The following LEKR1 variants were observed in gnomAD, a reference collection of about 807,000 sequenced individuals.
The protein encoded by LEKR1 is leucine, glutamate and lysine rich 1.
LEKR1 carries 59 observed loss-of-function variants against 72.4 expected under a neutral mutation model. The observed-to-expected ratio is 0.82, with a 90% confidence interval of 0.66 to 1.01. The LOEUF is 1.01. LEKR1 is among the 50% of genes least tolerant of loss of function. The probability of loss-of-function intolerance (pLI) is 0.00; values close to 1 mark genes in which losing one functional copy is unlikely to be tolerated. For synonymous variants in LEKR1, 257 were observed against 263.2 expected, an observed-to-expected ratio of 0.98 and a Z score of 0.23; for missense variants, 728 against 759.2, an observed-to-expected ratio of 0.96 and a Z score of 0.48.
chr3:156,909,313 G>A (rs1378936262), intron 3 of LEKR1, among the ~76,000 whole-genome samples: 1 of 152,060 alleles, frequency 6.6e-6, no homozygotes, highest in East Asian at 1.9e-4. Context: ...TAAATAGCTT[G>A]TAATTTCCAT....
At chr3:156,969,321 A>G (rs563519157) in intron 6 of LEKR1, among the ~76,000 whole-genome samples, 18 of 152,292 alleles carry the variant, frequency 1.2e-4, no homozygotes, top group South Asian at 6.2e-4. Context: ...CAAAAAATCA[A>G]TGAATCCAGG....
chr3:157,000,965 C>G (rs182529009), intron 9 of LEKR1, among the ~76,000 whole-genome samples: 1 of 152,258 alleles, frequency 6.6e-6, no homozygotes, highest in East Asian at 1.9e-4. Flanking sequence ...CTCTTCCCCC[C>G]TTTTCTTGGC....
chr3:156,903,240 G>A (rs1722209817), intron 3 of LEKR1, among the ~76,000 whole-genome samples: 5 of 151,930 alleles, frequency 3.3e-5, no homozygotes, highest in Admixed American at 3.3e-4. Context: ...GACAATATTG[G>A]TTATACTCAC....
intron 3 of LEKR1, among the ~76,000 whole-genome samples, chr3:156,899,314 A>G (rs1395831394): frequency 2.1e-5 from 3 of 142,264 alleles, no homozygotes; most frequent in Non-Finnish European, 4.6e-5. Context: ...ACATACACAC[A>G]TGTATATATA....
At chr3:156,846,169 A>C (rs2108534652) in intron 2 of LEKR1, among the ~76,000 whole-genome samples, 1 of 152,272 alleles carries the variant, frequency 6.6e-6, no homozygotes, top group Non-Finnish European at 1.5e-5. Flanking sequence ...TTCTGTTTGT[A>C]TCTTGAAACA....
chr3:156,942,380 T>C (rs557830717), intron 5 of LEKR1, 149 bp from the exon 6 acceptor site: 1 of 298,142 alleles, frequency 3.4e-6, no homozygotes, highest in South Asian at 2.8e-5. Flanking sequence ...TGAATTTAAA[T>C]TTAACTTTTT....
intron 9 of LEKR1, among the ~76,000 whole-genome samples, chr3:157,003,092 A>G (rs1732137786): frequency 6.6e-6 from 1 of 152,172 alleles, no homozygotes; most frequent in Admixed American, 6.5e-5. Context: ...GCTCATTTGG[A>G]TTTTCTAATC....
At chr3:156,995,528 T>C (rs1024426788) in intron 9 of LEKR1, among the ~76,000 whole-genome samples, 4 of 152,216 alleles carry the variant, frequency 2.6e-5, no homozygotes, top group African/African-American at 9.7e-5. Context: ...ACATGATGTC[T>C]GTCACATAAT....
At chr3:157,037,309 T>G (rs1735032126) in intron 12 of LEKR1, among the ~76,000 whole-genome samples, 1 of 152,142 alleles carries the variant, frequency 6.6e-6, no homozygotes, top group South Asian at 2.1e-4. Context: ...TTTAGTATTA[T>G]TTTACTTTTT....
chr3:157,011,566 A>G (rs1732887885), intron 10 of LEKR1, 60 bp downstream of exon 10: 2 of 1,159,402 alleles, frequency 1.7e-6, no homozygotes, highest in Non-Finnish European at 2.6e-6. Context: ...AATTCTGACC[A>G]TTTGTCAGAA....
At chr3:157,038,745 G>A (rs1401748732) in intron 12 of LEKR1, among the ~76,000 whole-genome samples, 1 of 152,190 alleles carries the variant, frequency 6.6e-6, no homozygotes, top group African/African-American at 2.4e-5. Flanking sequence ...TTTGTGCTCA[G>A]ATATAAAATT....
At chr3:156,828,524 C>T (rs529731399) in intron 1 of LEKR1, among the ~76,000 whole-genome samples, 4 of 152,046 alleles carry the variant, frequency 2.6e-5, no homozygotes, top group Admixed American at 6.5e-5. Context: ...GCTGCCACTG[C>T]CCTCGCCCTT....
At chr3:156,953,252 C>T (rs1183648789) in intron 6 of LEKR1, among the ~76,000 whole-genome samples, 1 of 151,356 alleles carries the variant, frequency 6.6e-6, no homozygotes, top group African/African-American at 2.4e-5. Context: ...ATCACTCCCC[C>T]CAACACACAG....
At position 156,841,486 on chromosome 3, in the gene LEKR1, T is replaced by C. The variant is rs376992854; in HGVS notation, c.49-11282T>C. On this transcript the variant is annotated intron_variant, in intron 2 of 12. Transcript: ENST00000356539. ...GAATGGCAGGCAGCCATCCAGGCAGTACAGAGAAGTGGGGACACCAAAAGA... is the reference window on the plus strand; with the variant it reads ...GAATGGCAGGCAGCCATCCAGGCAGCACAGAGAAGTGGGGACACCAAAAGA... Among the ~76,000 whole-genome samples the C allele has an allele frequency of 5.9e-5, 9 of 152,298 alleles. No individual in the cohort carries two copies. In the East Asian group the frequency reaches 1.5e-3, roughly 26 times the overall value.
At chr3:156,886,408 C>T (rs1232074197) in intron 3 of LEKR1, among the ~76,000 whole-genome samples, 3 of 152,146 alleles carry the variant, frequency 2.0e-5, no homozygotes, top group Admixed American at 2.0e-4. Flanking sequence ...GTGGCGCCTC[C>T]TGGGCTCTCC....
At chr3:156,922,334 T>C (rs1337772240) in intron 4 of LEKR1, among the ~76,000 whole-genome samples, 1 of 152,012 alleles carries the variant, frequency 6.6e-6, no homozygotes, top group Non-Finnish European at 1.5e-5. Context: ...GCCATAAAAC[T>C]TAGTTGCTCT....
At chr3:156,951,761 C>G (rs1455664819) in intron 6 of LEKR1, among the ~76,000 whole-genome samples, 1 of 151,244 alleles carries the variant, frequency 6.6e-6, no homozygotes, top group Non-Finnish European at 1.5e-5. Context: ...CCTTATTAGT[C>G]TAGCTAGTGG....
chr3:156,848,092 G>T, intron 2 of LEKR1, among the ~76,000 whole-genome samples: 1 of 152,162 alleles, frequency 6.6e-6, no homozygotes. Context: ...TGATGAAAGT[G>T]ACTTACAGTA....
intron 3 of LEKR1, among the ~76,000 whole-genome samples, chr3:156,915,647 A>G (rs891872945): frequency 2.6e-5 from 4 of 151,620 alleles, no homozygotes; most frequent in African/African-American, 7.3e-5. Context: ...TTCCTTATAC[A>G]TGCTGCATAT....
Sources: gnomAD v4.1 joint callset for allele counts (sites outside exome capture counted in the v4.1 genomes callset) on GRCh38, gnomAD v4.1.1 for gene constraint, MANE v1.5 for transcripts, NCBI Gene and HGNC (gene_info 2026-07-23, HGNC 2026-07-21) for gene names.